The following GRIK4 variants were observed in gnomAD, a reference collection of about 807,000 sequenced individuals.
GRIK4 encodes the protein glutamate ionotropic receptor kainate type subunit 4.
A neutral mutation model predicts 104.9 loss-of-function variants in GRIK4; 40 were observed. That is an observed-to-expected ratio of 0.38 (90% CI 0.30 to 0.50). The LOEUF is 0.50. Among genes scored for constraint, GRIK4 ranks in the 20% least tolerant of loss-of-function variants. GRIK4 has a pLI of 0.93. For synonymous variants in GRIK4, 485 were observed against 524.9 expected, an observed-to-expected ratio of 0.92 and a Z score of 1.04; for missense variants, 1,047 against 1,308.1, an observed-to-expected ratio of 0.80 and a Z score of 3.08.
At chr11:120,806,368 G>C (rs924994726) in intron 4 of GRIK4, among the ~76,000 whole-genome samples, 2 of 152,150 alleles carry the variant, frequency 1.3e-5, no homozygotes, top group African/African-American at 4.8e-5. Context: ...ATAGCTCTGA[G>C]CCTTTTAAAG....
At chr11:120,875,101 G>C (rs756818371) in intron 10 of GRIK4, 38 bp from the exon 11 acceptor site, 11 of 1,295,390 alleles carry the variant, frequency 8.5e-6, no homozygotes, top group Non-Finnish European at 1.2e-5. Context: ...TGTAACCTGG[G>C]GCCTGTTTGG....
chr11:120,660,431 C>T, intron 3 of GRIK4, 31 bp downstream of exon 3: 1 of 1,523,418 alleles, frequency 6.6e-7, no homozygotes, highest in Non-Finnish European at 9.1e-7. Flanking sequence ...GGCAGTGCCC[C>T]CACCCACTAT....
Position 120,982,231 on chromosome 11 carries a change from T to C in GRIK4, c.2514+7T>C. 3.5e-6 allele frequency: 5 copies of C among 1,430,000 alleles called. No homozygotes were observed. Among genetic ancestry groups the C allele is most frequent in the Non-Finnish European group, 4.0e-6 (4 of 1,011,864 alleles). The allele number at this position is 1,430,000 out of a possible 1,614,324, so 88.6% of individuals were successfully genotyped here. ...ACACTCAGAAGCAACTGAGGTAAACTTTCAAAGGGGTATGATCGATCGTGT... is the reference window on the plus strand; with the variant it reads ...ACACTCAGAAGCAACTGAGGTAAACCTTCAAAGGGGTATGATCGATCGTGT... On this transcript the variant is annotated splice_region_variant and intron_variant, in intron 20 of 20. Transcript: ENST00000527524.
At chr11:120,815,742 G>A (rs1325916947) in intron 5 of GRIK4, among the ~76,000 whole-genome samples, 7 of 152,256 alleles carry the variant, frequency 4.6e-5, no homozygotes, top group East Asian at 1.9e-4. Context: ...TGCCCCCAGC[G>A]GCCTCTTGGT....
At chr11:120,594,487 TAATA>T (rs528977575) in intron 1 of GRIK4, among the ~76,000 whole-genome samples, 17 of 151,990 alleles carry the variant, frequency 1.1e-4, no homozygotes, top group Non-Finnish European at 1.8e-4. Flanking sequence ...AATAAATAAA[TAATA>T]AATAAATAAA....
intron 2 of GRIK4, 26 bp from the exon 3 acceptor site, chr11:120,660,243 C>T (rs1327374739): frequency 3.9e-6 from 4 of 1,038,744 alleles, no homozygotes; most frequent in Non-Finnish European, 6.0e-6. Flanking sequence ...CTGGGACTCA[C>T]GTGCCCCCAA....
intron 3 of GRIK4, among the ~76,000 whole-genome samples, chr11:120,750,718 G>A (rs565706434): frequency 2.0e-5 from 3 of 152,180 alleles, no homozygotes; most frequent in Non-Finnish European, 4.4e-5. Context: ...TAGAACACAG[G>A]CTCTCCAAAG....
chr11:120,976,730 A>G (rs953350064), intron 19 of GRIK4, among the ~76,000 whole-genome samples: 1 of 152,166 alleles, frequency 6.6e-6, no homozygotes. Context: ...TCTTGCTGGG[A>G]TCTCGTGGCA....
intron 4 of GRIK4, among the ~76,000 whole-genome samples, chr11:120,810,597 T>A (rs913823166): frequency 5.9e-5 from 9 of 152,108 alleles, no homozygotes; most frequent in African/African-American, 1.9e-4. Flanking sequence ...CTCAGATAAA[T>A]GTTTTTAAAT....
intron 3 of GRIK4, among the ~76,000 whole-genome samples, chr11:120,743,341 A>G (rs1565326700): frequency 6.6e-6 from 1 of 152,160 alleles, no homozygotes. Context: ...CAAATACTAT[A>G]TGTTCTTATT....
At chr11:120,771,225 A>G (rs933251522) in intron 3 of GRIK4, among the ~76,000 whole-genome samples, 1 of 152,192 alleles carries the variant, frequency 6.6e-6, no homozygotes, top group African/African-American at 2.4e-5. Flanking sequence ...GTGGTCATGA[A>G]CTGAATGTTG....
intron 1 of GRIK4, among the ~76,000 whole-genome samples, chr11:120,553,889 T>G (rs1487795682): frequency 6.6e-6 from 1 of 152,054 alleles, no homozygotes; most frequent in Non-Finnish European, 1.5e-5. Context: ...AGAGGAGGAC[T>G]GGGAAGGTTC....
At chr11:120,629,810 A>G (rs1195146158) in intron 1 of GRIK4, among the ~76,000 whole-genome samples, 2 of 151,970 alleles carry the variant, frequency 1.3e-5, no homozygotes, top group African/African-American at 4.8e-5. Context: ...TAGGAGAGGG[A>G]GCTGTGATGC....
chr11:120,639,300 G>A (rs182370512), intron 1 of GRIK4, among the ~76,000 whole-genome samples: 15 of 152,356 alleles, frequency 9.8e-5, no homozygotes, highest in Middle Eastern at 6.8e-3. Flanking sequence ...TGCATCAGGG[G>A]CGCAATGGAC....
At chr11:120,963,858 G>C (rs1944335101) in intron 18 of GRIK4, among the ~76,000 whole-genome samples, 1 of 151,994 alleles carries the variant, frequency 6.6e-6, no homozygotes, top group Non-Finnish European at 1.5e-5. Flanking sequence ...TATGGGGTTG[G>C]GAGGATTAAA....
chr11:120,700,699 C>T (rs772266551), intron 3 of GRIK4, among the ~76,000 whole-genome samples: 11 of 152,110 alleles, frequency 7.2e-5, no homozygotes, highest in African/African-American at 1.2e-4. Context: ...CCTCGTGATC[C>T]GCCCACTTTG....
intron 3 of GRIK4, among the ~76,000 whole-genome samples, chr11:120,683,799 T>C (rs1246996809): frequency 6.6e-6 from 1 of 152,188 alleles, no homozygotes; most frequent in Non-Finnish European, 1.5e-5. Context: ...AGGGGGCATA[T>C]TGGTCAATGA....
At chr11:120,601,375 C>T (rs1948884616) in intron 1 of GRIK4, among the ~76,000 whole-genome samples, 1 of 152,198 alleles carries the variant, frequency 6.6e-6, no homozygotes, top group Non-Finnish European at 1.5e-5. Context: ...CACTGCACTC[C>T]AGCCTGGGCA....
At chr11:120,687,845 T>G (rs1252036083) in intron 3 of GRIK4, among the ~76,000 whole-genome samples, 1 of 152,194 alleles carries the variant, frequency 6.6e-6, no homozygotes, top group Non-Finnish European at 1.5e-5. Context: ...AGGTCCTCAA[T>G]TCTAGTCTTG....
Sources: allele counts gnomAD v4.1 joint callset (sites outside exome capture counted in the v4.1 genomes callset), GRCh38; gene constraint gnomAD v4.1.1; transcripts MANE v1.5; gene names NCBI Gene and HGNC (gene_info 2026-07-23, HGNC 2026-07-21).